Variants in FTO observed in about 807,000 individuals in gnomAD.
FTO encodes the protein FTO alpha-ketoglutarate dependent dioxygenase.
FTO carries 47 observed loss-of-function variants against 63.9 expected under a neutral mutation model. That is an observed-to-expected ratio of 0.74 (90% CI 0.58 to 0.94). The LOEUF (loss-of-function observed/expected upper bound fraction) is 0.94, where lower values mean the gene tolerates loss of function less well. Among genes scored for constraint, FTO ranks in the 40% least tolerant of loss-of-function variants. The pLI, the probability that FTO is intolerant of heterozygous loss-of-function variation, is 0.00. For synonymous variants in FTO, 207 were observed against 224.4 expected (o/e 0.92, Z 0.69); for missense variants, 562 against 618.1 (o/e 0.91, Z 0.96).
At chr16:53,820,878 A>G (rs1418798044) in intron 2 of FTO, among the ~76,000 whole-genome samples, 3 of 152,154 alleles carry the variant, frequency 2.0e-5, no homozygotes, top group Non-Finnish European at 4.4e-5. Context: ...GAAGTATTTA[A>G]GAGCTGGACA....
intron 1 of FTO, among the ~76,000 whole-genome samples, chr16:53,772,605 A>C (rs2077364777): frequency 6.6e-6 from 1 of 152,178 alleles, no homozygotes; most frequent in South Asian, 2.1e-4. Context: ...GCAGTAATAC[A>C]TACCACACCT....
intron 8 of FTO, among the ~76,000 whole-genome samples, chr16:54,081,484 G>A (rs2086140012): frequency 6.6e-6 from 1 of 152,150 alleles, no homozygotes; most frequent in South Asian, 2.1e-4. Flanking sequence ...TGTGGCCCCA[G>A]AGTCTCCCAC....
At chr16:53,943,626 G>A (rs2082588608) in intron 8 of FTO, among the ~76,000 whole-genome samples, 1 of 152,162 alleles carries the variant, frequency 6.6e-6, no homozygotes, top group Admixed American at 6.5e-5. Flanking sequence ...CTTTTCCTAA[G>A]CGGAACTCTG....
intron 8 of FTO, among the ~76,000 whole-genome samples, chr16:54,060,999 T>G (rs76520767): frequency 0.048 from 7,250 of 152,294 alleles, 219 homozygotes; most frequent in South Asian, 0.15. Context: ...TGGCTTTCGA[T>G]GGGCAACAGA....
chr16:54,051,678 A>T (rs1157913270), intron 8 of FTO, among the ~76,000 whole-genome samples: 3 of 152,244 alleles, frequency 2.0e-5, no homozygotes, highest in Admixed American at 2.0e-4. Context: ...AATGCCCATG[A>T]TCTCAAAAGC....
At chr16:53,913,816 T>C (rs1312053191) in intron 7 of FTO, among the ~76,000 whole-genome samples, 1 of 151,940 alleles carries the variant, frequency 6.6e-6, no homozygotes, top group Non-Finnish European at 1.5e-5. Context: ...CTATCTCTAC[T>C]AAAAATACAA....
At chr16:53,746,279 TG>T in intron 1 of FTO, among the ~76,000 whole-genome samples, 1 of 152,294 alleles carries the variant, frequency 6.6e-6, no homozygotes, top group Non-Finnish European at 1.5e-5. Context: ...ACAGTGACTT[TG>T]GGGGCCTTGT....
intron 8 of FTO, among the ~76,000 whole-genome samples, chr16:54,038,970 C>T (rs1005404467): frequency 6.6e-6 from 1 of 152,218 alleles, no homozygotes; most frequent in Non-Finnish European, 1.5e-5. Flanking sequence ...CATCTGTTCA[C>T]ATGTAAAGCA....
chr16:53,753,043 T>C (rs2076836135), intron 1 of FTO, among the ~76,000 whole-genome samples: 1 of 151,816 alleles, frequency 6.6e-6, no homozygotes, highest in Non-Finnish European at 1.5e-5. Flanking sequence ...AGTGGATCAC[T>C]TGAGCCCAGG....
chr16:53,886,800 A>C (rs1010921643), intron 6 of FTO: 4 of 152,198 alleles, frequency 2.6e-5, no homozygotes, highest in African/African-American at 9.6e-5. Context: ...GCCTCATGAA[A>C]GTTCAATATG....
chr16:53,916,338 C>T (rs536191124), intron 7 of FTO, among the ~76,000 whole-genome samples: 1 of 152,248 alleles, frequency 6.6e-6, no homozygotes, highest in Admixed American at 6.5e-5. Context: ...GCTTGGGTCT[C>T]TCTGTGTTCT....
Position 53,869,283 on chromosome 16 carries a change from C to T in FTO, c.896-4503C>T, listed in dbSNP as rs533215841. On this transcript the variant is annotated intron_variant, in intron 4 of 8. Coordinates refer to ENST00000471389, the MANE Select transcript of FTO (RefSeq NM_001080432.3). ...ACGTCAGATAGCTTTTTTTTTGCTCCGTTATAGATAAGCTGTTTTTTCCTT... is the reference window on the plus strand; with the variant it reads ...ACGTCAGATAGCTTTTTTTTTGCTCTGTTATAGATAAGCTGTTTTTTCCTT... Among the ~76,000 whole-genome samples the T allele has an allele frequency of 8.6e-5, 13 of 151,864 alleles. No individual in the cohort carries two copies. The East Asian group carries it at 9.7e-4, about 11-fold the overall frequency.
chr16:53,715,826 A>T (rs1240247738), intron 1 of FTO, among the ~76,000 whole-genome samples: 1 of 152,088 alleles, frequency 6.6e-6, no homozygotes, highest in Non-Finnish European at 1.5e-5. Flanking sequence ...TATTTATTCT[A>T]ATATGTTGTT....
At chr16:53,927,307 G>A (rs1199007743) in intron 7 of FTO, among the ~76,000 whole-genome samples, 2 of 152,158 alleles carry the variant, frequency 1.3e-5, no homozygotes, top group Non-Finnish European at 2.9e-5. Flanking sequence ...GAAGATTAGG[G>A]TGATTCTTAG....
chr16:53,978,224 C>A (rs1210426793), intron 8 of FTO, among the ~76,000 whole-genome samples: 2 of 152,100 alleles, frequency 1.3e-5, no homozygotes, highest in Non-Finnish European at 2.9e-5. Flanking sequence ...CTTAACATGG[C>A]ACACCAAATA....
intron 1 of FTO, among the ~76,000 whole-genome samples, chr16:53,730,830 A>C (rs1296854358): frequency 6.6e-6 from 1 of 152,106 alleles, no homozygotes; most frequent in Non-Finnish European, 1.5e-5. Context: ...ACCACAGTAG[A>C]TTTGTCATAT....
At chr16:53,756,466 T>C (rs1189219973) in intron 1 of FTO, among the ~76,000 whole-genome samples, 3 of 152,238 alleles carry the variant, frequency 2.0e-5, no homozygotes, top group African/African-American at 7.2e-5. Context: ...AGAGTGTTTA[T>C]ATTTTGCCTG....
chr16:53,722,869 A>G (rs2076073907), intron 1 of FTO, among the ~76,000 whole-genome samples: 1 of 152,114 alleles, frequency 6.6e-6, no homozygotes, highest in Non-Finnish European at 1.5e-5. Context: ...ATATGACAGA[A>G]TAGATCTGAG....
At position 54,120,946 on chromosome 16, in the gene FTO, G is replaced by A. The variant is rs1379793763; in HGVS notation, c.*9031G>A. The stretch of plus-strand genomic sequence containing the variant: ...ATATTAACGTCAAAGAGGCCAAGAT[G>A]CATCATTCAGAACACTGGCAGGTCA... On this transcript the variant is annotated 3_prime_UTR_variant, in exon 9 of 9. Coordinates refer to ENST00000471389, the MANE Select transcript of FTO (RefSeq NM_001080432.3). 2 of 152,418 alleles carry A rather than the reference G, an allele frequency of 1.3e-5. No individual in the cohort carries two copies. The highest frequency in any genetic ancestry group is 1.3e-4 in the Admixed American group (2 of 15,272). 9.4% of individuals were successfully genotyped at this position (152,418 alleles called of 1,614,324 possible).
Sources: gnomAD v4.1 joint callset for allele counts (sites outside exome capture counted in the v4.1 genomes callset) on GRCh38, gnomAD v4.1.1 for gene constraint, MANE v1.5 for transcripts, NCBI Gene and HGNC (gene_info 2026-07-23, HGNC 2026-07-21) for gene names.